Variants in CCS observed in about 807,000 individuals in gnomAD.
CCS encodes superoxide dismutase copper chaperone.
Under a neutral mutation model 35.5 loss-of-function variants are expected in CCS, and 32 were observed. That is an observed-to-expected ratio of 0.90 (90% confidence interval 0.68 to 1.21). CCS has a LOEUF of 1.21. Among genes scored for constraint, CCS ranks in the 50% most tolerant of loss-of-function variants. The probability of loss-of-function intolerance (pLI) is 0.00; values close to 1 mark genes in which losing one functional copy is unlikely to be tolerated. For synonymous variants in CCS, 130 were observed against 147.2 expected (o/e 0.88, Z 0.84); for missense variants, 342 against 375.4 (o/e 0.91, Z 0.73).
chr11:66,593,190 C>G lies in CCS; in HGVS notation c.-72C>G. ...AAGGGTGGCTTTAGAGGCTCAGTCC[C>G]CGCGACGCCGCGCTGGTTGGTGCTC... On this transcript the variant is annotated 5_prime_UTR_variant, in exon 1 of 8. Coordinates refer to ENST00000533244, the MANE Select transcript of CCS (RefSeq NM_005125.2). The G allele has an allele frequency of 1.3e-6, 2 of 1,523,968 alleles. No homozygotes were observed. Among genetic ancestry groups the G allele is most frequent in the Non-Finnish European group, 8.9e-7 (1 of 1,126,002 alleles). The allele number at this position is 1,523,968 out of a possible 1,614,324, so 94.4% of individuals were successfully genotyped here.
At chr11:66,597,040 G>A (rs1249526593) in intron 2 of CCS, among the ~76,000 whole-genome samples, 1 of 152,228 alleles carries the variant, frequency 6.6e-6, no homozygotes, top group Non-Finnish European at 1.5e-5. Context: ...TAGAGGCTTA[G>A]TAGGAGTACC....
intron 5 of CCS, among the ~76,000 whole-genome samples, chr11:66,601,097 T>A (rs902293425): frequency 1.3e-5 from 2 of 152,204 alleles, no homozygotes; most frequent in African/African-American, 2.4e-5. Flanking sequence ...TTGGTTTTTT[T>A]ATTTTATTTT....
intron 4 of CCS, chr11:66,600,135 GA>G (rs1055883704): frequency 3.2e-5 from 6 of 187,044 alleles, no homozygotes; most frequent in Non-Finnish European, 5.4e-5. Flanking sequence ...TCTGTCTCAA[GA>G]AAAAAAATAA....
chr11:66,600,744 G>A (rs1437885349), intron 5 of CCS, among the ~76,000 whole-genome samples, 195 bp downstream of exon 5: 3 of 152,164 alleles, frequency 2.0e-5, no homozygotes, highest in Admixed American at 6.5e-5. Flanking sequence ...ATAGATTACA[G>A]CCCCAGTGCC....
intron 1 of CCS, 72 bp downstream of exon 1, chr11:66,593,372 G>C (rs1248728096): frequency 7.0e-7 from 1 of 1,423,774 alleles, no homozygotes; most frequent in African/African-American, 1.4e-5. Context: ...CGTTACCTTG[G>C]GAAGAGGAGA....
Position 66,605,322 on chromosome 11 carries a change from A to C in CCS, c.490-17A>C, listed in dbSNP as rs749662787. The stretch of plus-strand genomic sequence containing the variant: ...CGTGGCACACATCCCCTATACACAC[A>C]CTGGATCTCATTCCAGCACCGCGGA... On this transcript the variant is annotated splice_polypyrimidine_tract_variant and intron_variant, in intron 5 of 7. Transcript: ENST00000533244. 5 of 1,613,936 alleles carry C rather than the reference A, an allele frequency of 3.1e-6. No individual in the cohort carries two copies. The South Asian group carries it at 4.4e-5, about 14-fold the overall frequency.
At position 66,599,465 on chromosome 11, in the gene CCS, TG is replaced by T. The variant is rs1858535627; in HGVS notation, c.262del (p.Ala88GlnfsTer21). 1.3e-6 allele frequency: 2 copies of T among 1,531,572 alleles called. No homozygotes were observed. The highest frequency in any genetic ancestry group is 8.7e-7 in the Non-Finnish European group (1 of 1,143,626). 94.9% of individuals were successfully genotyped at this position (1,531,572 alleles called of 1,614,324 possible). Reference sequence around the variant, plus strand: ...AGTGTCTAATACCTTGCAGAGAATCTGGGGGCAGCAGTGGCCATCCTGGGGG... The same window carrying T: ...AGTGTCTAATACCTTGCAGAGAATCTGGGGCAGCAGTGGCCATCCTGGGGG... ...KGMGSGQLQN[L>X]GAAVAILGGP... On this transcript the variant is annotated frameshift_variant, in exon 4 of 8. Transcript: ENST00000533244. LOFTEE classifies it high-confidence loss of function.
chr11:66,603,538 C>T (rs1477814067), intron 5 of CCS, among the ~76,000 whole-genome samples: 2 of 151,616 alleles, frequency 1.3e-5, no homozygotes, highest in East Asian at 3.9e-4. Context: ...TGGTGAAACC[C>T]TGTCTCTATT....
At chr11:66,599,418 G>T in intron 3 of CCS, 41 bp from the exon 4 acceptor site, 1 of 1,510,610 alleles carries the variant, frequency 6.6e-7, no homozygotes, top group Non-Finnish European at 8.8e-7. Context: ...AGGTGTGCTG[G>T]GTGAGGTGGC....
chr11:66,605,383 C>T lies in CCS; in HGVS notation c.534C>T (p.Arg178=), dbSNP rs755325271. ...ATGTCCGTGCTGATGCTGACGGCCG[C>T]GCCATCTTCAGAATGGAGGATGAGC... The part of the protein sequence containing the change: ...LGNVRADADG[R]AIFRMEDEQL... The change falls in exon 6 of 8, where the codon CGC becomes CGT. Residue 178 remains arginine, a synonymous_variant. Coordinates refer to ENST00000533244, the MANE Select transcript of CCS (RefSeq NM_005125.2). The T allele has an allele frequency of 4.1e-5, 66 of 1,614,030 alleles. No homozygotes were observed. The highest frequency in any genetic ancestry group is 4.9e-5 in the Non-Finnish European group (58 of 1,180,036).
chr11:66,599,604 T>C lies in CCS; in HGVS notation c.396T>C (p.His132=). The change falls in exon 4 of 8, where the codon CAT becomes CAC. Residue 132 remains histidine, a synonymous_variant. Coordinates refer to ENST00000533244, the MANE Select transcript of CCS (RefSeq NM_005125.2). ...LEPGLHGLHV[H]QYGDLTNNCN... ...CTGGGCTGCATGGACTCCACGTCCA[T>C]CAGTACGGGGACCTTACAAACAACT... The C allele has an allele frequency of 6.2e-7, 1 of 1,607,456 alleles. No homozygotes were observed. Among genetic ancestry groups the C allele is most frequent in the Non-Finnish European group, 8.5e-7 (1 of 1,177,866 alleles).
At position 66,599,000 on chromosome 11, in the gene CCS, T is replaced by G. The variant is rs1565060317; in HGVS notation, c.113-116T>G. On this transcript the variant is annotated intron_variant, in intron 2 of 7. Coordinates refer to ENST00000533244, the MANE Select transcript of CCS (RefSeq NM_005125.2). ...ACACAGTTACGAAGTAGCTTGCCTC[T>G]GACCATGGGAAGTTTGGTGGAAATG... 7.7e-6 allele frequency: 10 copies of G among 1,294,734 alleles called. No homozygotes were observed. The East Asian group carries it at 2.1e-4, about 27-fold the overall frequency. The allele number at this position is 1,294,734 out of a possible 1,614,324, so 80.2% of individuals were successfully genotyped here.
chr11:66,599,794 G>T (rs1858543910), intron 4 of CCS, 158 bp downstream of exon 4: 2 of 695,958 alleles, frequency 2.9e-6, no homozygotes, highest in Admixed American at 6.4e-5. Context: ...GTCCACAGCA[G>T]GTAAAAGGTA....
intron 3 of CCS, 69 bp downstream of exon 3, chr11:66,599,322 T>A: frequency 6.6e-7 from 1 of 1,514,842 alleles, no homozygotes; most frequent in Non-Finnish European, 8.8e-7. Flanking sequence ...AATCTAATCA[T>A]AGGATTCTCA....
At chr11:66,598,270 G>A (rs1437736461) in intron 2 of CCS, among the ~76,000 whole-genome samples, 1 of 151,710 alleles carries the variant, frequency 6.6e-6, no homozygotes, top group African/African-American at 2.4e-5. Flanking sequence ...GGGAGACTGA[G>A]GCAGGCAGAT....
In CCS at chr11:66,593,625, C is replaced by A. The variant is rs1419148826; in HGVS notation, c.40-17C>A. ...ACTTCCCCAGCGATCATCGGTTGGT[C>A]CCTGCCGCCCTTGCAGTTGGAGTTC... On this transcript the variant is annotated splice_polypyrimidine_tract_variant and intron_variant, in intron 1 of 7. Transcript: ENST00000533244. 3.7e-6 allele frequency: 6 copies of A among 1,612,498 alleles called. No homozygotes were observed. Among genetic ancestry groups the A allele is most frequent in the Middle Eastern group, 1.8e-4 (1 of 5,444 alleles).
At chr11:66,598,563 C>T (rs1480774055) in intron 2 of CCS, among the ~76,000 whole-genome samples, 1 of 142,156 alleles carries the variant, frequency 7.0e-6, no homozygotes, top group Non-Finnish European at 1.6e-5. Context: ...AGAATATTTT[C>T]TGTTTGTGGA....
At chr11:66,597,751 C>CA (rs1313468590) in intron 2 of CCS, among the ~76,000 whole-genome samples, 158 of 122,044 alleles carry the variant, frequency 1.3e-3, no homozygotes, top group South Asian at 1.5e-3. Flanking sequence ...GACTCTGTCT[C>CA]AAAAAAAAAA....
intron 5 of CCS, among the ~76,000 whole-genome samples, chr11:66,604,997 C>T (rs751203888): frequency 1.4e-4 from 21 of 152,176 alleles, no homozygotes; most frequent in Non-Finnish European, 2.5e-4. Context: ...GCAATTGCCT[C>T]GCCGGAAAAA....
Sources: gnomAD v4.1 joint callset for allele counts (sites outside exome capture counted in the v4.1 genomes callset) on GRCh38, gnomAD v4.1.1 for gene constraint, MANE v1.5 for transcripts, NCBI Gene and HGNC (gene_info 2026-07-23, HGNC 2026-07-21) for gene names.